CD163L1: variants seen among roughly 807,000 people sequenced by gnomAD.
CD163L1 encodes CD163 molecule like 1.
CD163L1 carries 124 observed loss-of-function variants against 165.4 expected under a neutral mutation model. The observed-to-expected ratio is 0.75, with a 90% CI of 0.65 to 0.87. The LOEUF is 0.87. Ranked by LOEUF, CD163L1 falls within the 40% of genes least tolerant of loss-of-function variation. The probability of loss-of-function intolerance (pLI) is 0.00; values close to 1 mark genes in which losing one functional copy is unlikely to be tolerated. For missense variants in CD163L1, 1,525 were observed against 1,799.9 expected (o/e 0.85, Z 2.76); for synonymous variants, 585 against 662.2 (o/e 0.88, Z 1.79).
chr12:7,421,632 T>TATACAC (rs1555202513), intron 4 of CD163L1, among the ~76,000 whole-genome samples: 3 of 104,974 alleles, frequency 2.9e-5, no homozygotes, highest in Non-Finnish European at 5.2e-5. Context: ...CATATATACA[T>TATACAC]ATATGTACAC....
At chr12:7,329,297 TC>T in the CD163L1 span, among the ~76,000 whole-genome samples, 2 of 149,100 alleles carry the variant, frequency 1.3e-5, no homozygotes, top group Non-Finnish European at 3.0e-5. Context: ...TTTTTTTTTT[TC>T]AGCTATTAGT....
chr12:7,376,628 C>A (rs1382956181), intron 9 of CD163L1, among the ~76,000 whole-genome samples: 1 of 152,194 alleles, frequency 6.6e-6, no homozygotes, highest in Non-Finnish European at 1.5e-5. Context: ...TCTAAGGCTG[C>A]AGACTTCCAT....
At chr12:7,395,859 T>C (rs1254137485) in intron 8 of CD163L1, among the ~76,000 whole-genome samples, 1 of 152,194 alleles carries the variant, frequency 6.6e-6, no homozygotes, top group East Asian at 1.9e-4. Flanking sequence ...AGTGGTTTGA[T>C]GAAACTAACT....
At chr12:7,439,748 T>C in intron 2 of CD163L1, 2 of 1,612,530 alleles carry the variant, frequency 1.2e-6, no homozygotes, top group East Asian at 4.5e-5. Context: ...GTATAGCCTT[T>C]CCAGCGAACT....
chr12:7,349,292 A>C (rs1946692129), intron 4 of CD163L1, among the ~76,000 whole-genome samples: 1 of 152,156 alleles, frequency 6.6e-6, no homozygotes, highest in Admixed American at 6.5e-5. Flanking sequence ...GATGTGATTG[A>C]CACTCTTTTG....
intron 4 of CD163L1, 88 bp from the exon 5 acceptor site, chr12:7,406,940 T>C: frequency 8.5e-7 from 1 of 1,178,982 alleles, no homozygotes; most frequent in Non-Finnish European, 1.2e-6. Flanking sequence ...TAAACACAAA[T>C]ATATAATAAA....
At chr12:7,330,039 A>G in the CD163L1 span, among the ~76,000 whole-genome samples, 4 of 152,322 alleles carry the variant, frequency 2.6e-5, no homozygotes, top group East Asian at 1.9e-4. Context: ...AGTCTACTGA[A>G]GAAGGCACCA....
intron 4 of CD163L1, among the ~76,000 whole-genome samples, chr12:7,427,072 T>C (rs1948556663): frequency 6.6e-6 from 1 of 152,064 alleles, no homozygotes; most frequent in Non-Finnish European, 1.5e-5. Flanking sequence ...ATTAAGAGAT[T>C]GAAAGGGAGA....
chr12:7,380,016 A>G (rs191874282), intron 8 of CD163L1, among the ~76,000 whole-genome samples: 1 of 152,266 alleles, frequency 6.6e-6, no homozygotes, highest in East Asian at 1.9e-4. Context: ...TGCAGTGGAA[A>G]GGGAACACTT....
intron 18 of CD163L1, 46 bp downstream of exon 18, chr12:7,367,190 T>C (rs753847396): frequency 2.5e-6 from 3 of 1,202,824 alleles, no homozygotes; most frequent in South Asian, 1.4e-5. Context: ...TATTTCCTCA[T>C]ATTCCCACCC....
intron 4 of CD163L1, among the ~76,000 whole-genome samples, chr12:7,414,578 A>G (rs1477514356): frequency 6.6e-6 from 1 of 152,184 alleles, no homozygotes; most frequent in Non-Finnish European, 1.5e-5. Context: ...AAATCTTAGT[A>G]GGAAAATGAG....
At chr12:7,395,734 A>G (rs1459741134) in intron 8 of CD163L1, among the ~76,000 whole-genome samples, 2 of 152,106 alleles carry the variant, frequency 1.3e-5, no homozygotes, top group Non-Finnish European at 2.9e-5. Context: ...AATTTTTGAG[A>G]GACTGGGTGA....
downstream of CD163L1, among the ~76,000 whole-genome samples, chr12:7,345,126 A>C (rs1466370370): frequency 6.7e-6 from 1 of 149,732 alleles, no homozygotes; most frequent in Admixed American, 6.6e-5. Context: ...TTCTCTACTG[A>C]TAATGCTTTT....
chr12:7,378,930 C>T (rs897740394), intron 9 of CD163L1, 48 bp downstream of exon 9: 23 of 1,530,194 alleles, frequency 1.5e-5, no homozygotes, highest in Non-Finnish European at 1.9e-5. Flanking sequence ...TAAATAAGTG[C>T]AAAAATAAAT....
downstream of CD163L1, among the ~76,000 whole-genome samples, chr12:7,342,348 A>G (rs1946642818): frequency 1.3e-5 from 2 of 152,242 alleles, no homozygotes; most frequent in African/African-American, 4.8e-5. Context: ...TGCTGCAGAT[A>G]ACTAGCCAAA....
At chr12:7,331,406 A>T in the CD163L1 span, among the ~76,000 whole-genome samples, 4 of 152,158 alleles carry the variant, frequency 2.6e-5, no homozygotes, top group Non-Finnish European at 5.9e-5. Flanking sequence ...GCAGACTTAA[A>T]TCCCTGTCTG....
intron 8 of CD163L1, among the ~76,000 whole-genome samples, chr12:7,390,192 G>C (rs1378880068): frequency 6.6e-6 from 1 of 151,602 alleles, no homozygotes; most frequent in Admixed American, 6.6e-5. Flanking sequence ...GGCTGGGAAG[G>C]GTGTGCGTGT....
chr12:7,427,077 G>T (rs765346932), intron 4 of CD163L1, among the ~76,000 whole-genome samples: 1 of 152,162 alleles, frequency 6.6e-6, no homozygotes, highest in South Asian at 2.1e-4. Context: ...GAGATTGAAA[G>T]GGAGAAATAG....
intron 4 of CD163L1, among the ~76,000 whole-genome samples, chr12:7,412,072 G>A (rs1409691993): frequency 6.6e-6 from 1 of 152,156 alleles, no homozygotes; most frequent in Non-Finnish European, 1.5e-5. Flanking sequence ...AGACCAAGGA[G>A]AAAAAGTCTT....
Sources: allele counts gnomAD v4.1 joint callset (sites outside exome capture counted in the v4.1 genomes callset), GRCh38; gene constraint gnomAD v4.1.1; transcripts MANE v1.5; gene names NCBI Gene and HGNC (gene_info 2026-07-23, HGNC 2026-07-21).